SLCO2A1: variants seen among roughly 807,000 people sequenced by gnomAD.
SLCO2A1 encodes the protein solute carrier organic anion transporter family member 2A1.
A neutral mutation model predicts 71.7 loss-of-function variants in SLCO2A1; 60 were observed. The observed-to-expected ratio is 0.84, with a 90% CI of 0.68 to 1.04. The LOEUF (loss-of-function observed/expected upper bound fraction) is 1.04. Among genes scored for constraint, SLCO2A1 ranks in the 50% least tolerant of loss-of-function variants. The pLI, the probability that SLCO2A1 is intolerant of heterozygous loss-of-function variation, is 0.00. For missense variants in SLCO2A1, 745 were observed against 813.4 expected (o/e 0.92, Z 1.02); for synonymous variants, 308 against 326.7 (o/e 0.94, Z 0.62).
At chr3:133,948,444 C>A in intron 8 of SLCO2A1, 92 bp downstream of exon 8, 1 of 1,351,908 alleles carries the variant, frequency 7.4e-7, no homozygotes, top group South Asian at 1.4e-5. Flanking sequence ...TATGTCCGGT[C>A]TGGCCTGCGC....
At chr3:133,984,031 T>G (rs2108060842) in intron 1 of SLCO2A1, among the ~76,000 whole-genome samples, 1 of 152,304 alleles carries the variant, frequency 6.6e-6, no homozygotes, top group Admixed American at 6.5e-5. Flanking sequence ...GATCAAGGAC[T>G]GAGAGTTCAG....
chr3:133,979,903 T>G (rs1021718042), intron 1 of SLCO2A1, among the ~76,000 whole-genome samples: 5 of 152,088 alleles, frequency 3.3e-5, no homozygotes, highest in African/African-American at 1.2e-4. Flanking sequence ...TATGACAGGG[T>G]TGGGGACTCA....
At position 133,951,303 on chromosome 3, in the gene SLCO2A1, CT is replaced by C; in HGVS notation, c.765del (p.Ala256ProfsTer4). Reference sequence around the variant, plus strand: ...GAAATGAGCAGGCCTAGCCACCAGGCTCCAATCCATCGGGGGTCACCCGGGA... The same window carrying C: ...GAAATGAGCAGGCCTAGCCACCAGGCCCAATCCATCGGGGGTCACCCGGGA... Reference protein sequence around the residue: ...NLVPGDPRWIGAWWLGLLISS... With the variant: ...NLVPGDPRWIXAWWLGLLISS... On this transcript the variant is annotated frameshift_variant, in exon 6 of 14. Coordinates refer to ENST00000310926, the MANE Select transcript of SLCO2A1 (RefSeq NM_005630.3). LOFTEE classifies it high-confidence loss of function. The C allele has an allele frequency of 3.1e-6, 5 of 1,614,154 alleles. No individual in the cohort carries two copies. Among genetic ancestry groups the C allele is most frequent in the Non-Finnish European group, 4.2e-6 (5 of 1,180,026 alleles).
rs745742250 is a variant in SLCO2A1, at chr3:133,951,283, G to A, written c.786C>T (p.Leu262=). The A allele has an allele frequency of 2.5e-6, 4 of 1,614,140 alleles. No individual in the cohort carries two copies. The highest frequency in any genetic ancestry group is 1.3e-5 in the African/African-American group (1 of 75,064). The change falls in exon 6 of 14, where the codon CTC becomes CTT. Residue 262 remains leucine, a synonymous_variant. Coordinates refer to ENST00000310926, the MANE Select transcript of SLCO2A1 (RefSeq NM_005630.3). The part of the protein sequence containing the change: ...RWIGAWWLGL[L]ISSALLVLTS... Reference sequence around the variant, plus strand: ...TGAGAACCAATAAAGCTGAAGAAATGAGCAGGCCTAGCCACCAGGCTCCAA... The same window carrying A: ...TGAGAACCAATAAAGCTGAAGAAATAAGCAGGCCTAGCCACCAGGCTCCAA...
chr3:134,029,516 ACACACACGCT>A (rs1935777150), intron 1 of SLCO2A1, among the ~76,000 whole-genome samples, 181 bp downstream of exon 1: 1 of 142,672 alleles, frequency 7.0e-6, no homozygotes, highest in Non-Finnish European at 1.5e-5. Flanking sequence ...ACGCTCACAC[ACACACACGCT>A]CACACACACA....
chr3:133,936,147 C>T (rs539560931), intron 12 of SLCO2A1, among the ~76,000 whole-genome samples: 3 of 152,312 alleles, frequency 2.0e-5, no homozygotes, highest in East Asian at 3.9e-4. Context: ...ACAGGGATCA[C>T]CTTGATGCCG....
At chr3:133,966,382 G>A (rs190784251) in intron 3 of SLCO2A1, among the ~76,000 whole-genome samples, 2 of 152,302 alleles carry the variant, frequency 1.3e-5, no homozygotes, top group East Asian at 3.9e-4. Flanking sequence ...CAATGCTTCT[G>A]GAGAAGCACA....
chr3:133,973,926 A>AGG, intron 2 of SLCO2A1, 101 bp from the exon 3 acceptor site: 1 of 1,230,664 alleles, frequency 8.1e-7, no homozygotes. Context: ...CTGGAAAGGG[A>AGG]GGGGGCTGCC....
intron 2 of SLCO2A1, 101 bp from the exon 3 acceptor site, chr3:133,973,926 AG>A (rs1934393470): frequency 2.4e-6 from 3 of 1,230,662 alleles, no homozygotes; most frequent in Admixed American, 4.6e-5. Flanking sequence ...CTGGAAAGGG[AG>A]GGGGCTGCCC....
chr3:133,985,848 G>T (rs998065559), intron 1 of SLCO2A1, among the ~76,000 whole-genome samples: 12 of 152,232 alleles, frequency 7.9e-5, no homozygotes, highest in Non-Finnish European at 1.8e-4. Flanking sequence ...CTGCAGACTT[G>T]TTCCAGTGGT....
chr3:134,018,024 G>C (rs2108077783), intron 1 of SLCO2A1, among the ~76,000 whole-genome samples: 1 of 152,294 alleles, frequency 6.6e-6, no homozygotes, highest in Non-Finnish European at 1.5e-5. Flanking sequence ...TTCCATGTGA[G>C]TACCACCAGA....
At chr3:133,979,747 C>T (rs888072259) in intron 1 of SLCO2A1, 129 bp from the exon 2 acceptor site, 2 of 957,264 alleles carry the variant, frequency 2.1e-6, no homozygotes, top group African/African-American at 1.7e-5. Flanking sequence ...AGTTACTTCC[C>T]AGGGTCTCCA....
chr3:134,028,997 G>GC (rs58260909), intron 1 of SLCO2A1, among the ~76,000 whole-genome samples: 120,707 of 152,098 alleles, frequency 0.79, 48,124 homozygotes, highest in East Asian at 0.99. Flanking sequence ...CTGGTGAGTG[G>GC]ACCTGCTTAG....
chr3:134,024,657 C>T (rs922744660), intron 1 of SLCO2A1, among the ~76,000 whole-genome samples: 2 of 152,196 alleles, frequency 1.3e-5, no homozygotes. Flanking sequence ...TTTAAGGGCC[C>T]TAGCAGCAAC....
chr3:133,989,607 T>C (rs895303329), intron 1 of SLCO2A1, among the ~76,000 whole-genome samples: 3 of 152,208 alleles, frequency 2.0e-5, no homozygotes, highest in Admixed American at 1.3e-4. Context: ...GTGTAACATG[T>C]GCATGTGTTT....
At chr3:133,944,958 G>C (rs1576427656) in intron 10 of SLCO2A1, 137 bp downstream of exon 10, 2 of 1,047,664 alleles carry the variant, frequency 1.9e-6, no homozygotes, top group East Asian at 5.0e-5. Context: ...GTGGCTCAGA[G>C]GAGGCCAGGA....
intron 1 of SLCO2A1, among the ~76,000 whole-genome samples, chr3:134,029,270 G>C (rs1415973193): frequency 1.3e-5 from 2 of 152,076 alleles, no homozygotes; most frequent in Non-Finnish European, 2.9e-5. Context: ...GTCCCCCAAA[G>C]CGCGGGGGGT....
intron 11 of SLCO2A1, among the ~76,000 whole-genome samples, chr3:133,939,983 TCG>T (rs1933375145): frequency 7.7e-6 from 1 of 129,974 alleles, no homozygotes. Context: ...TTTTTTTTTT[TCG>T]GAGACAGAGT....
At chr3:133,959,638 A>G (rs1933985120) in intron 3 of SLCO2A1, among the ~76,000 whole-genome samples, 1 of 152,124 alleles carries the variant, frequency 6.6e-6, no homozygotes, top group Non-Finnish European at 1.5e-5. Context: ...CAGCCTGGGT[A>G]ACATGGCAAA....
Sources: allele counts gnomAD v4.1 joint callset (sites outside exome capture counted in the v4.1 genomes callset), GRCh38; gene constraint gnomAD v4.1.1; transcripts MANE v1.5; gene names NCBI Gene and HGNC (gene_info 2026-07-23, HGNC 2026-07-21).